Variants in DLC1 observed in about 807,000 individuals in gnomAD.
DLC1 encodes rho GTPase-activating protein 7.
A neutral mutation model predicts 140.3 loss-of-function variants in DLC1; 54 were observed. The observed-to-expected ratio is 0.38, with a 90% CI of 0.31 to 0.48. The LOEUF is 0.48. Ranked by LOEUF, DLC1 falls within the 20% of genes least tolerant of loss-of-function variation. The probability of loss-of-function intolerance (pLI) is 0.96; values close to 1 mark genes in which losing one functional copy is unlikely to be tolerated. For missense variants in DLC1, 2,536 were observed against 1,907.0 expected, an observed-to-expected ratio of 1.33 and a Z score of -6.14; for synonymous variants, 986 against 728.1, an observed-to-expected ratio of 1.35 and a Z score of -5.70.
chr8:13,428,581 G>A (rs763003973), intron 2 of DLC1, among the ~76,000 whole-genome samples: 7 of 152,068 alleles, frequency 4.6e-5, no homozygotes, highest in Non-Finnish European at 8.8e-5. Context: ...TTATCTCACA[G>A]AACACTAGTT....
chr8:13,211,485 A>G (rs1420897998), intron 5 of DLC1, among the ~76,000 whole-genome samples: 1 of 152,208 alleles, frequency 6.6e-6, no homozygotes, highest in Non-Finnish European at 1.5e-5. Flanking sequence ...GAGTGAAGCC[A>G]AAAACCCTCT....
intron 4 of DLC1, chr8:13,340,357 T>A (rs749800859): frequency 6.6e-6 from 1 of 152,174 alleles, no homozygotes; most frequent in Admixed American, 6.6e-5. Context: ...CCTGCCACCA[T>A]GCCCCACTAA....
chr8:13,490,793 A>G (rs1801199052), intron 2 of DLC1, among the ~76,000 whole-genome samples: 2 of 152,008 alleles, frequency 1.3e-5, no homozygotes, highest in South Asian at 4.1e-4. Flanking sequence ...GCTCCAATAA[A>G]AGCTGATGTT....
chr8:13,570,072 T>C (rs552499780), intron 1 of DLC1, among the ~76,000 whole-genome samples: 57 of 152,350 alleles, frequency 3.7e-4, no homozygotes, highest in Non-Finnish European at 6.9e-4. Context: ...AGTAATTCTG[T>C]TGATTTAAAA....
At chr8:13,250,648 A>G (rs1829964723) in intron 5 of DLC1, among the ~76,000 whole-genome samples, 1 of 152,198 alleles carries the variant, frequency 6.6e-6, no homozygotes, top group Non-Finnish European at 1.5e-5. Flanking sequence ...ACTATAAGAA[A>G]GTTCAGTGCA....
At chr8:13,244,450 A>G (rs1255488227) in intron 5 of DLC1, among the ~76,000 whole-genome samples, 1 of 151,964 alleles carries the variant, frequency 6.6e-6, no homozygotes, top group Non-Finnish European at 1.5e-5. Flanking sequence ...GGTGTGCAGC[A>G]CTATGCCTGG....
intron 5 of DLC1, among the ~76,000 whole-genome samples, chr8:13,164,071 C>A (rs545355845): frequency 3.3e-5 from 5 of 151,940 alleles, no homozygotes; most frequent in Admixed American, 1.3e-4. Flanking sequence ...CCGAGGCGGG[C>A]GGATCACCTG....
intron 5 of DLC1, among the ~76,000 whole-genome samples, chr8:13,279,512 G>C (rs541373704): frequency 6.6e-6 from 1 of 152,196 alleles, no homozygotes; most frequent in East Asian, 1.9e-4. Flanking sequence ...TCTTGGCAGA[G>C]TATTTCAGGA....
chr8:13,319,819 C>CTTTTTTTTTT (rs547737556), intron 4 of DLC1, among the ~76,000 whole-genome samples: 1,688 of 76,028 alleles, frequency 0.022, 289 homozygotes, highest in African/African-American at 0.058. Flanking sequence ...TTCTCTCTCT[C>CTTTTTTTTTT]TCTTTTTTTT....
At chr8:13,145,861 A>T (rs1823395786) in intron 5 of DLC1, among the ~76,000 whole-genome samples, 1 of 152,242 alleles carries the variant, frequency 6.6e-6, no homozygotes, top group Non-Finnish European at 1.5e-5. Flanking sequence ...CAAGCCAAGG[A>T]AACTGGTTAG....
chr8:13,374,639 C>A (rs1251433133), intron 4 of DLC1, among the ~76,000 whole-genome samples: 1 of 152,102 alleles, frequency 6.6e-6, no homozygotes, highest in Non-Finnish European at 1.5e-5. Flanking sequence ...AAAAATTAGT[C>A]AGGAGTGGTA....
intron 5 of DLC1, among the ~76,000 whole-genome samples, chr8:13,159,725 A>C (rs1563121856): frequency 6.6e-6 from 1 of 152,102 alleles, no homozygotes; most frequent in Non-Finnish European, 1.5e-5. Flanking sequence ...GTCTCCACCC[A>C]GTAGGCCTTG....
At chr8:13,356,751 A>G (rs1203506389) in intron 4 of DLC1, among the ~76,000 whole-genome samples, 2 of 152,238 alleles carry the variant, frequency 1.3e-5, no homozygotes, top group African/African-American at 4.8e-5. Flanking sequence ...CATGTGGCTA[A>G]TAAATTACAC....
At chr8:13,425,754 C>G (rs1003431905) in intron 2 of DLC1, among the ~76,000 whole-genome samples, 1 of 152,158 alleles carries the variant, frequency 6.6e-6, no homozygotes, top group Non-Finnish European at 1.5e-5. Context: ...CCACTAAAAA[C>G]TATTTTTCTG....
intron 5 of DLC1, among the ~76,000 whole-genome samples, chr8:13,173,901 G>C (rs867784742): frequency 1.3e-5 from 2 of 152,088 alleles, no homozygotes; most frequent in Admixed American, 1.3e-4. Flanking sequence ...TACGTGTGCA[G>C]ATTTGTTACC....
chr8:13,165,519 G>A (rs879859472), intron 5 of DLC1, among the ~76,000 whole-genome samples: 2 of 152,170 alleles, frequency 1.3e-5, no homozygotes, highest in African/African-American at 2.4e-5. Context: ...GTACTTTCAC[G>A]CTCTGTTCCA....
intron 4 of DLC1, among the ~76,000 whole-genome samples, chr8:13,345,457 A>G (rs1045539437): frequency 6.7e-6 from 1 of 149,566 alleles, no homozygotes; most frequent in Non-Finnish European, 1.5e-5. Context: ...GAGCCAGTTC[A>G]TTTGGGGCTG....
chr8:13,379,355 T>C (rs1021272562), intron 4 of DLC1, among the ~76,000 whole-genome samples: 1 of 152,138 alleles, frequency 6.6e-6, no homozygotes, highest in Non-Finnish European at 1.5e-5. Flanking sequence ...CCATTGTAAG[T>C]TGAAAAAAAA....
intron 1 of DLC1, among the ~76,000 whole-genome samples, chr8:13,502,610 A>G (rs1322065210): frequency 6.6e-6 from 1 of 152,240 alleles, no homozygotes; most frequent in African/African-American, 2.4e-5. Flanking sequence ...TATAGGTCTC[A>G]TTTCCTAAAT....
Sources: gnomAD v4.1 joint callset for allele counts (sites outside exome capture counted in the v4.1 genomes callset) on GRCh38, gnomAD v4.1.1 for gene constraint, MANE v1.5 for transcripts, NCBI Gene and HGNC (gene_info 2026-07-23, HGNC 2026-07-21) for gene names.